GALNT13: variants seen among roughly 807,000 people sequenced by gnomAD.
The protein encoded by GALNT13 is UDP-GalNAc:polypeptide N-acetylgalactosaminyltransferase 13.
GALNT13 carries 28 observed loss-of-function variants against 64.2 expected under a neutral mutation model. The ratio of observed to expected loss-of-function variants is 0.44; its 90% CI spans 0.32 to 0.60. The LOEUF is 0.60. Among genes scored for constraint, GALNT13 ranks in the 20% least tolerant of loss-of-function variants. The pLI is 0.05. For synonymous variants in GALNT13, 214 were observed against 224.6 expected, an observed-to-expected ratio of 0.95 and a Z score of 0.42; for missense variants, 577 against 669.8, an observed-to-expected ratio of 0.86 and a Z score of 1.53.
At chr2:153,463,658 G>A in the GALNT13 span, among the ~76,000 whole-genome samples, 5 of 152,000 alleles carry the variant, frequency 3.3e-5, no homozygotes, top group East Asian at 1.9e-4. Context: ...GAAAAGGAAC[G>A]GAGAACATGA....
chr2:153,116,309 A>T, the GALNT13 span, among the ~76,000 whole-genome samples: 1 of 152,204 alleles, frequency 6.6e-6, no homozygotes, highest in Non-Finnish European at 1.5e-5. Context: ...GAGACTTTAT[A>T]ACAAAGTAAA....
chr2:154,033,988 A>G (rs1231666809), intron 3 of GALNT13, among the ~76,000 whole-genome samples: 1 of 152,052 alleles, frequency 6.6e-6, no homozygotes, highest in Non-Finnish European at 1.5e-5. Context: ...TGCTGGGGAG[A>G]ACCTGGAGTG....
chr2:153,747,068 T>C, the GALNT13 span, among the ~76,000 whole-genome samples: 1 of 152,110 alleles, frequency 6.6e-6, no homozygotes, highest in Non-Finnish European at 1.5e-5. Context: ...ATTTTTTAAA[T>C]TTTTAATCTT....
intron 3 of GALNT13, among the ~76,000 whole-genome samples, chr2:154,002,980 G>T (rs1055565973): frequency 6.6e-6 from 1 of 152,044 alleles, no homozygotes; most frequent in Non-Finnish European, 1.5e-5. Flanking sequence ...AATTTAATTG[G>T]TAACCTTTTA....
At chr2:153,608,906 T>G in the GALNT13 span, among the ~76,000 whole-genome samples, 7 of 147,328 alleles carry the variant, frequency 4.8e-5, no homozygotes, top group African/African-American at 1.7e-4. Flanking sequence ...AGAGTACAAT[T>G]TTTTTTACTT....
In GALNT13 at chr2:153,940,338, A is replaced by G. The variant is rs1574161168; in HGVS notation, c.-104-4056A>G. Among the ~76,000 whole-genome samples the G allele has an allele frequency of 2.0e-5, 3 of 149,790 alleles. No homozygotes were observed. The South Asian group carries it at 6.4e-4, about 32-fold the overall frequency. ...AATGGTACAATCTCAGCTCACTGCA[A>G]CCTCCGCCCCCCAGGTTCAAGTGAT... On this transcript the variant is annotated intron_variant, in intron 2 of 12. Coordinates refer to ENST00000392825, the MANE Select transcript of GALNT13 (RefSeq NM_052917.4).
chr2:153,198,796 A>G, the GALNT13 span, among the ~76,000 whole-genome samples: 279 of 152,282 alleles, frequency 1.8e-3, 7 homozygotes, highest in East Asian at 0.048. Flanking sequence ...CACCTTCCTC[A>G]GAAAGTTTGG....
intron 10 of GALNT13, among the ~76,000 whole-genome samples, chr2:154,406,770 T>C (rs1291064439): frequency 6.6e-6 from 1 of 152,162 alleles, no homozygotes; most frequent in Non-Finnish European, 1.5e-5. Flanking sequence ...AAACATAAGC[T>C]TTATGAAGGA....
At chr2:154,004,199 T>G (rs1173887570) in intron 3 of GALNT13, among the ~76,000 whole-genome samples, 1 of 138,864 alleles carries the variant, frequency 7.2e-6, no homozygotes, top group Non-Finnish European at 1.5e-5. Context: ...GTGTTTAATT[T>G]CCTTTAATTT....
At chr2:153,780,881 G>A in the GALNT13 span, among the ~76,000 whole-genome samples, 2 of 152,114 alleles carry the variant, frequency 1.3e-5, no homozygotes, top group Non-Finnish European at 2.9e-5. Flanking sequence ...CATGATTCCT[G>A]TCTCCTCAGG....
At chr2:154,151,687 T>G (rs1456535290) in intron 4 of GALNT13, among the ~76,000 whole-genome samples, 4 of 152,148 alleles carry the variant, frequency 2.6e-5, no homozygotes, top group Non-Finnish European at 4.4e-5. Flanking sequence ...TTATGTAATG[T>G]CCTTCTTTGT....
At chr2:154,335,640 A>T (rs1695401927) in intron 9 of GALNT13, among the ~76,000 whole-genome samples, 1 of 152,016 alleles carries the variant, frequency 6.6e-6, no homozygotes, top group East Asian at 1.9e-4. Flanking sequence ...ACGTATATAC[A>T]TTGAACATTT....
At chr2:153,239,283 A>G in the GALNT13 span, among the ~76,000 whole-genome samples, 3 of 152,236 alleles carry the variant, frequency 2.0e-5, no homozygotes, top group African/African-American at 7.2e-5. Flanking sequence ...ATCTGCAGGC[A>G]AGAATAATTT....
intron 3 of GALNT13, among the ~76,000 whole-genome samples, chr2:154,120,502 C>G (rs1211693231): frequency 2.6e-5 from 4 of 152,158 alleles, no homozygotes; most frequent in African/African-American, 9.7e-5. Context: ...AGTTGAGTGG[C>G]TGTTTGACTT....
At chr2:153,452,612 T>G in the GALNT13 span, among the ~76,000 whole-genome samples, 5 of 151,834 alleles carry the variant, frequency 3.3e-5, no homozygotes, top group African/African-American at 1.2e-4. Context: ...ATGATAGTCT[T>G]AGAAATCATA....
the GALNT13 span, among the ~76,000 whole-genome samples, chr2:153,345,704 T>TTTCC: frequency 3.2e-5 from 4 of 123,910 alleles, no homozygotes; most frequent in African/African-American, 1.2e-4. Flanking sequence ...TCTTTCTTTC[T>TTTCC]CTTTCTCTCT....
chr2:154,285,792 A>G (rs375825402), intron 8 of GALNT13, among the ~76,000 whole-genome samples: 7 of 152,178 alleles, frequency 4.6e-5, no homozygotes, highest in African/African-American at 1.4e-4. Flanking sequence ...TGGAATCTGT[A>G]GATTACTTTA....
At chr2:154,109,705 A>G (rs1366250472) in intron 3 of GALNT13, among the ~76,000 whole-genome samples, 1 of 152,140 alleles carries the variant, frequency 6.6e-6, no homozygotes, top group Non-Finnish European at 1.5e-5. Flanking sequence ...AATTTTGTCA[A>G]ATGCTTTTTC....
the GALNT13 span, among the ~76,000 whole-genome samples, chr2:153,186,380 A>G: frequency 3.5e-4 from 54 of 152,198 alleles, no homozygotes; most frequent in East Asian, 8.7e-3. Flanking sequence ...TGATGACAGC[A>G]TAGCAATGGG....
Sources: allele counts gnomAD v4.1 joint callset (sites outside exome capture counted in the v4.1 genomes callset), GRCh38; gene constraint gnomAD v4.1.1; transcripts MANE v1.5; gene names NCBI Gene and HGNC (gene_info 2026-07-23, HGNC 2026-07-21).